The following KMT2E variants were observed in gnomAD, a reference collection of about 807,000 sequenced individuals.
KMT2E encodes the protein histone reader KMT2E.
A neutral mutation model predicts 184.6 loss-of-function variants in KMT2E; 30 were observed. The ratio of observed to expected loss-of-function variants is 0.16; its 90% CI spans 0.12 to 0.22. KMT2E has a LOEUF of 0.22. Among genes scored for constraint, KMT2E ranks in the 10% least tolerant of loss-of-function variants. The probability of loss-of-function intolerance (pLI) is 1.00; values close to 1 mark genes in which losing one functional copy is unlikely to be tolerated. For missense variants in KMT2E, 2,023 were observed against 2,237.4 expected (o/e 0.90, Z 1.93); for synonymous variants, 815 against 776.5 (o/e 1.05, Z -0.82).
At chr7:105,068,622 T>TG in intron 6 of KMT2E, among the ~76,000 whole-genome samples, 1 of 142,926 alleles carries the variant, frequency 7.0e-6, no homozygotes, top group Non-Finnish European at 1.5e-5. Flanking sequence ...TGACTAGTTG[T>TG]GGTTTTTTTT....
chr7:105,110,979 C>A, intron 26 of KMT2E, 111 bp downstream of exon 26: 1 of 706,384 alleles, frequency 1.4e-6, no homozygotes, highest in Non-Finnish European at 2.5e-6. Flanking sequence ...CAACTTGTGA[C>A]TTCTGGACAC....
intron 6 of KMT2E, among the ~76,000 whole-genome samples, chr7:105,072,480 A>G (rs1797363370): frequency 6.6e-6 from 1 of 152,224 alleles, no homozygotes; most frequent in African/African-American, 2.4e-5. Flanking sequence ...TAGAAATTCT[A>G]ATAATCTAGA....
In KMT2E at chr7:105,102,188, AAAG is replaced by A. The variant is rs1244045907; in HGVS notation, c.2194_2196del (p.Lys732del). ...AATGTCCTACCAAGTACCCCAAAAC[AAAG>A]AAGGTATGATTCTAATGAATGTAAG... On this transcript the variant is annotated inframe_deletion, in exon 17 of 27. Coordinates refer to ENST00000311117, the MANE Select transcript of KMT2E (RefSeq NM_182931.3). 1.3e-6 allele frequency: 2 copies of A among 1,598,630 alleles called. No homozygotes were observed. The highest frequency in any genetic ancestry group is 2.7e-5 in the African/African-American group (2 of 73,936).
chr7:105,028,787 A>T (rs1178016339), intron 1 of KMT2E, among the ~76,000 whole-genome samples: 2 of 152,008 alleles, frequency 1.3e-5, no homozygotes, highest in African/African-American at 4.8e-5. Context: ...TACAAGTGTG[A>T]GCCACCGTGC....
At chr7:105,026,147 C>T (rs1416206563) in intron 1 of KMT2E, among the ~76,000 whole-genome samples, 1 of 152,158 alleles carries the variant, frequency 6.6e-6, no homozygotes, top group Admixed American at 6.5e-5. Context: ...AACTCGCAAA[C>T]ATCTAGTCTC....
At chr7:105,086,759 A>T (rs1261897058) in intron 13 of KMT2E, among the ~76,000 whole-genome samples, 1 of 137,456 alleles carries the variant, frequency 7.3e-6, no homozygotes, top group East Asian at 2.4e-4. Flanking sequence ...AAATAAATTA[A>T]AAATATAAAT....
chr7:105,019,338 CATA>C (rs1351786509), intron 1 of KMT2E, among the ~76,000 whole-genome samples: 2 of 152,022 alleles, frequency 1.3e-5, no homozygotes, highest in Non-Finnish European at 2.9e-5. Flanking sequence ...ATGAACAGCT[CATA>C]ATTGGATTTT....
chr7:105,102,947 C>A (rs898963453), intron 17 of KMT2E: 1 of 152,156 alleles, frequency 6.6e-6, no homozygotes, highest in Non-Finnish European at 1.5e-5. Flanking sequence ...CTAGTATGAA[C>A]CCAGGATTAT....
rs1162486405 is a variant in KMT2E at position 105,114,526 on chromosome 7, GTTAT to G, written c.*1195_*1198del. On this transcript the variant is annotated 3_prime_UTR_variant, in exon 27 of 27. Transcript: ENST00000311117. Reference sequence around the variant, plus strand: ...TTGCTAAAATATAAAATGCTAGTTAGTTATTAATTATTAATCTTCAAAAAATTAA... The same window carrying G: ...TTGCTAAAATATAAAATGCTAGTTAGTAATTATTAATCTTCAAAAAATTAA... Among the ~76,000 whole-genome samples, 1 of 151,918 alleles carries G rather than the reference GTTAT, an allele frequency of 6.6e-6. No individual in the cohort carries two copies. Among genetic ancestry groups the G allele is most frequent in the Non-Finnish European group, 1.5e-5 (1 of 67,936 alleles).
In KMT2E at chr7:105,101,901, GA is replaced by G; in HGVS notation, c.1907del (p.Asn636MetfsTer10). ...AEVIQEQAKE[E>X]NASKPTPAKV... ...TTTGAATTAGGAACAAGCAAAAGAA[GA>G]AAATGCTAGCAAGCCAACCCCTGCC... On this transcript the variant is annotated frameshift_variant, in exon 17 of 27. Coordinates refer to ENST00000311117, the MANE Select transcript of KMT2E (RefSeq NM_182931.3). LOFTEE classifies it high-confidence loss of function. The G allele has an allele frequency of 1.2e-6, 2 of 1,608,466 alleles. No homozygotes were observed. The highest frequency in any genetic ancestry group is 1.7e-5 in the Admixed American group (1 of 58,760).
chr7:105,110,783 A>C lies in KMT2E; in HGVS notation c.3983A>C (p.Glu1328Ala), dbSNP rs1195170774. The C allele has an allele frequency of 1.2e-5, 19 of 1,613,904 alleles. No individual in the cohort carries two copies. The highest frequency in any genetic ancestry group is 1.6e-5 in the Non-Finnish European group (19 of 1,179,794). Residue 1328 changes from glutamate to alanine, a missense_variant, in exon 26 of 27, where the codon GAA becomes GCA. Transcript: ENST00000311117. ...FSELMEDPDP[E>A]NPEPTTTNEC... Reference sequence around the variant, plus strand: ...TTCTGCTTTATAGACCCTGATCCTGAAAATCCAGAACCCACAACTACGAAT... The same window carrying C: ...TTCTGCTTTATAGACCCTGATCCTGCAAATCCAGAACCCACAACTACGAAT...
At chr7:105,064,762 A>C (rs1320350720) in intron 5 of KMT2E, among the ~76,000 whole-genome samples, 1 of 108,820 alleles carries the variant, frequency 9.2e-6, no homozygotes, top group African/African-American at 4.7e-5. Context: ...TTAGGAGGTA[A>C]ATTAAAAAAC....
chr7:105,030,115 A>G (rs1025186520), intron 1 of KMT2E, among the ~76,000 whole-genome samples: 2 of 152,234 alleles, frequency 1.3e-5, no homozygotes, highest in African/African-American at 4.8e-5. Flanking sequence ...ATGTCTGTCA[A>G]AATATAAACC....
chr7:105,112,382 G>T lies in KMT2E; in HGVS notation c.4626G>T (p.Thr1542=), dbSNP rs150728398. ...TTAACCAACAAAGTCTGAACAGCAC[G>T]GCACCACCCCCTCCACCTCCTCCAC... ...SQFNQQSLNS[T]APPPPPPPPP... is the part of the protein sequence containing the mutation. Residue 1542 remains threonine (T), a synonymous_variant, in exon 27 of 27, where the codon ACG becomes ACT. Transcript: ENST00000311117. 1 of 1,612,694 alleles carries T rather than the reference G, an allele frequency of 6.2e-7. No homozygotes were observed.
intron 1 of KMT2E, among the ~76,000 whole-genome samples, chr7:105,029,688 A>G (rs1391818868): frequency 6.6e-6 from 1 of 152,224 alleles, no homozygotes; most frequent in Admixed American, 6.5e-5. Context: ...ATACTGATAA[A>G]AAATAGAATG....
chr7:105,032,479 A>G (rs1231528969), intron 1 of KMT2E, among the ~76,000 whole-genome samples: 1 of 152,184 alleles, frequency 6.6e-6, no homozygotes, highest in Non-Finnish European at 1.5e-5. Flanking sequence ...TTTAAAAAAA[A>G]GTTATTTACT....
chr7:105,111,055 A>C (rs992980302), intron 26 of KMT2E, 187 bp downstream of exon 26: 3 of 580,192 alleles, frequency 5.2e-6, no homozygotes, highest in South Asian at 4.5e-5. Context: ...CATGTGATGG[A>C]TAACTCTGAC....
chr7:105,073,812 A>C (rs989074098), intron 7 of KMT2E, 135 bp downstream of exon 7: 1 of 578,742 alleles, frequency 1.7e-6, no homozygotes, highest in African/African-American at 1.9e-5. Flanking sequence ...TTGTACAGAG[A>C]GTATGCAATC....
chr7:105,017,944 CAG>C, intron 1 of KMT2E, among the ~76,000 whole-genome samples: 1 of 152,196 alleles, frequency 6.6e-6, no homozygotes, highest in South Asian at 2.1e-4. Context: ...TCACAGCTTC[CAG>C]AGAGAAATCA....
Sources: gnomAD v4.1 joint callset for allele counts (sites outside exome capture counted in the v4.1 genomes callset) on GRCh38, gnomAD v4.1.1 for gene constraint, MANE v1.5 for transcripts, NCBI Gene and HGNC (gene_info 2026-07-23, HGNC 2026-07-21) for gene names.